EPS15L1: variants seen among roughly 807,000 people sequenced by gnomAD.
EPS15L1 encodes the protein epidermal growth factor receptor substrate 15-like 1.
In EPS15L1, 43 loss-of-function variants were observed where a neutral mutation model predicts 117.1. The ratio of observed to expected loss-of-function variants is 0.37; its 90% CI spans 0.29 to 0.47. The LOEUF is 0.47. Among genes scored for constraint, EPS15L1 ranks in the 20% least tolerant of loss-of-function variants. The probability of loss-of-function intolerance (pLI) is 0.99; values close to 1 mark genes in which losing one functional copy is unlikely to be tolerated. For synonymous variants in EPS15L1, 459 were observed against 470.5 expected, an observed-to-expected ratio of 0.98 and a Z score of 0.32; for missense variants, 981 against 1,164.0, an observed-to-expected ratio of 0.84 and a Z score of 2.29.
At position 16,471,885 on chromosome 19, in the gene EPS15L1, GCCGCCCCCAGGC is replaced by G; in HGVS notation, c.33+16_33+27del. ...CTCGCCTCGCGCCCCGCACCCCGGC[GCCGCCCCCAGGC>G]CCGCCCGGCCCGTACCTGCTGGGAG... is the stretch of plus-strand genomic sequence containing the variant. On this transcript the variant is annotated intron_variant, in intron 1 of 23. Transcript: ENST00000455140. The surrounding 1 kb of genome is among the most constrained non-coding windows in gnomAD (Gnocchi z 4.8). 7.8e-7 allele frequency: 1 copy of G among 1,286,656 alleles called. No homozygotes were observed. Among genetic ancestry groups the G allele is most frequent in the South Asian group, 2.1e-5 (1 of 46,968 alleles). 79.7% of individuals were successfully genotyped at this position (1,286,656 alleles called of 1,614,324 possible).
At chr19:16,454,225 C>A (rs2093173675) in intron 1 of EPS15L1, among the ~76,000 whole-genome samples, 1 of 152,172 alleles carries the variant, frequency 6.6e-6, no homozygotes, top group Non-Finnish European at 1.5e-5. Context: ...CTCCATGGGA[C>A]AGAATAAATA....
At chr19:16,428,079 T>TAATCCC (rs2092890300) in intron 8 of EPS15L1, among the ~76,000 whole-genome samples, 1 of 149,530 alleles carries the variant, frequency 6.7e-6, no homozygotes, top group Non-Finnish European at 1.5e-5. Flanking sequence ...CAGGTGCCTG[T>TAATCCC]AATCCCAGCT....
At chr19:16,444,818 C>T (rs2093067814) in intron 1 of EPS15L1, among the ~76,000 whole-genome samples, 1 of 151,926 alleles carries the variant, frequency 6.6e-6, no homozygotes, top group Non-Finnish European at 1.5e-5. Flanking sequence ...TCTCTGACTC[C>T]TGGATTCAAG....
Position 16,381,444 on chromosome 19 carries a change from C to A in EPS15L1, c.2247+3685G>T, listed in dbSNP as rs2144723176. ...TGCCCAGGCTGGAACCCCAACCCTGCCACCTACTCAACACCCTGTGCCTTG... is the reference window on the plus strand; with the variant it reads ...TGCCCAGGCTGGAACCCCAACCCTGACACCTACTCAACACCCTGTGCCTTG... On this transcript the variant is annotated intron_variant, in intron 21 of 23. Coordinates refer to ENST00000455140, the MANE Select transcript of EPS15L1 (RefSeq NM_001258374.3). This position sits in a 1 kb window ranked among gnomAD's most constrained non-coding sequence, Gnocchi z 4.2. Among the ~76,000 whole-genome samples, 1 of 152,364 alleles carries A rather than the reference C, an allele frequency of 6.6e-6. No homozygotes were observed. The highest frequency in any genetic ancestry group is 3.4e-3 in the Middle Eastern group (1 of 294).
At chr19:16,359,847 A>T (rs966820766) in intron 23 of EPS15L1, among the ~76,000 whole-genome samples, 2 of 151,864 alleles carry the variant, frequency 1.3e-5, no homozygotes, top group African/African-American at 4.8e-5. Flanking sequence ...TGGGCAACAG[A>T]GCGAGACTCA....
intron 1 of EPS15L1, among the ~76,000 whole-genome samples, chr19:16,463,353 C>T (rs2093271941): frequency 6.6e-6 from 1 of 152,162 alleles, no homozygotes; most frequent in Admixed American, 6.5e-5. Context: ...AGACCCTCAC[C>T]TGTCCAAACA....
chr19:16,433,086 C>A (rs1386307199), intron 7 of EPS15L1, among the ~76,000 whole-genome samples: 1 of 151,952 alleles, frequency 6.6e-6, no homozygotes, highest in Admixed American at 6.6e-5. Context: ...GCTGGGATTA[C>A]AGGCATGAGC....
intron 13 of EPS15L1, chr19:16,412,886 C>T: frequency 1.6e-6 from 1 of 612,818 alleles, no homozygotes; most frequent in South Asian, 1.5e-5. Context: ...ATGCCCATCA[C>T]CAAGCTGGGC....
intron 1 of EPS15L1, among the ~76,000 whole-genome samples, chr19:16,470,449 T>C (rs2093338549): frequency 6.6e-6 from 1 of 151,914 alleles, no homozygotes; most frequent in African/African-American, 2.4e-5. Context: ...TGGGAGTGCT[T>C]AGTGCTTTCT....
rs555317936 is a variant in EPS15L1, at chr19:16,392,155, G to A, written c.2103+149C>T. The A allele has an allele frequency of 2.0e-5, 17 of 848,116 alleles. No homozygotes were observed. In the Admixed American group the frequency reaches 2.6e-4, roughly 13 times the overall value. The allele number at this position is 848,116 out of a possible 1,614,324, so 52.5% of individuals were successfully genotyped here. On this transcript the variant is annotated intron_variant, in intron 19 of 23. Coordinates refer to ENST00000455140, the MANE Select transcript of EPS15L1 (RefSeq NM_001258374.3). ...ACTCAGCAGGAATGAAATCAGCCTGGGATACCAGCTCCCGGAGAACAGACA... is the reference window on the plus strand; with the variant it reads ...ACTCAGCAGGAATGAAATCAGCCTGAGATACCAGCTCCCGGAGAACAGACA...
intron 22 of EPS15L1, among the ~76,000 whole-genome samples, chr19:16,374,749 G>A (rs980864298): frequency 4.6e-5 from 7 of 152,172 alleles, no homozygotes; most frequent in East Asian, 1.9e-4. Context: ...CAGCAAATAC[G>A]GCACTGCTCG....
At chr19:16,461,575 T>G (rs1369414510) in intron 1 of EPS15L1, among the ~76,000 whole-genome samples, 1 of 151,740 alleles carries the variant, frequency 6.6e-6, no homozygotes, top group Non-Finnish European at 1.5e-5. Flanking sequence ...TGAGCTGAGA[T>G]CGCGCCACTG....
At chr19:16,452,764 T>G (rs1296111644) in intron 1 of EPS15L1, among the ~76,000 whole-genome samples, 1 of 152,090 alleles carries the variant, frequency 6.6e-6, no homozygotes. Context: ...GGGAATTCAT[T>G]AAACCCTTCC....
chr19:16,448,177 C>G (rs1271345855), intron 1 of EPS15L1, among the ~76,000 whole-genome samples: 6 of 152,138 alleles, frequency 3.9e-5, no homozygotes, highest in African/African-American at 1.4e-4. Context: ...AGACTTGACA[C>G]CAAAAGCCCG....
In EPS15L1 at chr19:16,371,395, G is replaced by T. The variant is rs1206712840; in HGVS notation, c.2380+5727C>A. Among the ~76,000 whole-genome samples the T allele has an allele frequency of 4.6e-5, 7 of 152,184 alleles. No homozygotes were observed. Among genetic ancestry groups the T allele is most frequent in the African/African-American group, 1.7e-4 (7 of 41,436 alleles). On this transcript the variant is annotated intron_variant, in intron 22 of 23. Coordinates refer to ENST00000455140, the MANE Select transcript of EPS15L1 (RefSeq NM_001258374.3). The surrounding 1 kb of genome is among the most constrained non-coding windows in gnomAD (Gnocchi z 4.7). ...AGAATGACTTTTGTCTTCTTCTTTTGTTGAGAGAGCTGCTCAAATCAAACA... is the reference window on the plus strand; with the variant it reads ...AGAATGACTTTTGTCTTCTTCTTTTTTTGAGAGAGCTGCTCAAATCAAACA...
intron 16 of EPS15L1, among the ~76,000 whole-genome samples, chr19:16,398,918 C>T (rs1436576731): frequency 6.6e-6 from 1 of 152,222 alleles, no homozygotes; most frequent in Non-Finnish European, 1.5e-5. Flanking sequence ...GCTTCAGCCT[C>T]CCAAGTAGCT....
chr19:16,394,869 T>C (rs2092522674), intron 17 of EPS15L1, among the ~76,000 whole-genome samples: 1 of 152,156 alleles, frequency 6.6e-6, no homozygotes, highest in Non-Finnish European at 1.5e-5. Context: ...CTTGGAACAC[T>C]TCCCACTGTA....
rs759729762 is a variant in EPS15L1, at chr19:16,392,361, T to C, written c.2046A>G (p.Thr682=). The C allele has an allele frequency of 1.2e-6, 2 of 1,614,244 alleles. No individual in the cohort carries two copies. Among genetic ancestry groups the C allele is most frequent in the African/African-American group, 2.7e-5 (2 of 75,074 alleles). The change falls in exon 19 of 24, where the codon ACA becomes ACG. Residue 682 remains threonine, a synonymous_variant. Coordinates refer to ENST00000455140, the MANE Select transcript of EPS15L1 (RefSeq NM_001258374.3). ...SATDDFFKKQ[T]KNDPFTSDPF... ...GATCCGAGGTAAATGGGTCATTCTTTGTCTGTTTCTTGAAGAAGTCGTCAG... is the reference window on the plus strand; with the variant it reads ...GATCCGAGGTAAATGGGTCATTCTTCGTCTGTTTCTTGAAGAAGTCGTCAG...
chr19:16,425,486 G>T (rs1275997625), intron 8 of EPS15L1, among the ~76,000 whole-genome samples, 170 bp from the exon 9 acceptor site: 1 of 152,242 alleles, frequency 6.6e-6, no homozygotes, highest in Non-Finnish European at 1.5e-5. Flanking sequence ...TCTTTTATGT[G>T]TAACTTTCCA....
Sources: allele counts gnomAD v4.1 joint callset (sites outside exome capture counted in the v4.1 genomes callset), GRCh38; gene constraint gnomAD v4.1.1; non-coding constraint Gnocchi (gnomAD v3.1); transcripts MANE v1.5; gene names NCBI Gene and HGNC (gene_info 2026-07-23, HGNC 2026-07-21).